SMIM22: variants seen among roughly 807,000 people sequenced by gnomAD.
SMIM22 encodes the protein cancer associated small integral membrane open reading frame 1.
SMIM22 carries 16 observed loss-of-function variants against 8.4 expected under a neutral mutation model. That is an observed-to-expected ratio of 1.90 (90% CI 1.29 to 2.89). The LOEUF (loss-of-function observed/expected upper bound fraction) is 2.89, where lower values mean the gene tolerates loss of function less well. Among genes scored for constraint, SMIM22 ranks in the 30% most tolerant of loss-of-function variants. The probability of loss-of-function intolerance (pLI) is 0.00; values close to 1 mark genes in which losing one functional copy is unlikely to be tolerated. For synonymous variants in SMIM22, 67 were observed against 47.6 expected, an observed-to-expected ratio of 1.41 and a Z score of -1.68; for missense variants, 159 against 107.5, an observed-to-expected ratio of 1.48 and a Z score of -2.12.
upstream of SMIM22, among the ~76,000 whole-genome samples, chr16:4,792,116 G>A (rs1239010111): frequency 1.3e-5 from 2 of 152,222 alleles, no homozygotes; most frequent in Non-Finnish European, 2.9e-5. Flanking sequence ...GGCCAGAGGG[G>A]AGAGGAGGGG....
rs1210522819 is a variant in SMIM22 at position 4,795,756 on chromosome 16, C to A, written c.22C>A (p.Leu8Met). Reference protein sequence around the residue: MAVSTEELEATVQEVLGR... With the variant: MAVSTEEMEATVQEVLGR... ...CAAGATGGCTGTGTCCACAGAGGAG[C>A]TGGAGGCCACGGTTCAGGAAGTCCT... is the stretch of plus-strand genomic sequence containing the variant. The change falls in exon 2 of 4, where the codon CTG becomes ATG. Residue 8 changes from leucine (L) to methionine (M), a missense_variant. By Grantham distance (15) the Leu-to-Met change is conservative (BLOSUM62 2). Transcript: ENST00000586005. The A allele has an allele frequency of 6.5e-7, 1 of 1,535,926 alleles. No homozygotes were observed. Among genetic ancestry groups the A allele is most frequent in the South Asian group, 1.2e-5 (1 of 84,060 alleles).
chr16:4,795,563 G>A, intron 1 of SMIM22, 114 bp downstream of exon 1: 1 of 938,450 alleles, frequency 1.1e-6, no homozygotes, highest in East Asian at 2.7e-5. Flanking sequence ...AGAGAAGCTG[G>A]GCCTGGGGCC....
intron 2 of SMIM22, chr16:4,790,024 C>T (rs2082527473): frequency 6.6e-6 from 1 of 151,924 alleles, no homozygotes; most frequent in Admixed American, 6.6e-5. Flanking sequence ...AAGTGATCCT[C>T]CTGCCCCAGC....
upstream of SMIM22, among the ~76,000 whole-genome samples, chr16:4,793,764 TTAAA>T (rs1373872321): frequency 1.1e-4 from 17 of 151,652 alleles, no homozygotes; most frequent in African/African-American, 3.6e-4. Flanking sequence ...ATACATTATA[TTAAA>T]TAAATATATG....
chr16:4,795,423 GTTGGGGGAA>G lies in SMIM22; in HGVS notation c.-42_-34del. On this transcript the variant is annotated 5_prime_UTR_variant, in exon 1 of 4. Coordinates refer to ENST00000586005, the MANE Select transcript of SMIM22 (RefSeq NM_001253794.2). The stretch of plus-strand genomic sequence containing the variant: ...GCCTGTGCTCCCCAGGACCTGCCTG[GTTGGGGGAA>G]TTGGAGGCTTCTAGGAGGTAGGTGG... 1 of 381,080 alleles carries G rather than the reference GTTGGGGGAA, an allele frequency of 2.6e-6. No individual in the cohort carries two copies. The highest frequency in any genetic ancestry group is 4.8e-6 in the Non-Finnish European group (1 of 206,240). The allele number at this position is 381,080 out of a possible 1,614,324, so 23.6% of individuals were successfully genotyped here. A position where few individuals can be genotyped will look rare whatever the true frequency, so the allele number is the denominator to read the frequency against.
At position 4,795,552 on chromosome 16, in the gene SMIM22, G is replaced by T; in HGVS notation, c.-21+103G>T. The T allele has an allele frequency of 4.8e-6, 4 of 830,206 alleles. No individual in the cohort carries two copies. In the South Asian group the frequency reaches 7.2e-5, roughly 15 times the overall value. The allele number at this position is 830,206 out of a possible 1,614,324, so 51.4% of individuals were successfully genotyped here. On this transcript the variant is annotated intron_variant, in intron 1 of 3. Transcript: ENST00000586005. ...GGTAAGGACCACAGGGCTGGGCAAGGAGAGAAGCTGGGCCTGGGGCCGAGG... is the reference window on the plus strand; with the variant it reads ...GGTAAGGACCACAGGGCTGGGCAAGTAGAGAAGCTGGGCCTGGGGCCGAGG...
At chr16:4,792,940 T>C (rs931712013), upstream of SMIM22, among the ~76,000 whole-genome samples, 8 of 150,580 alleles carry the variant, frequency 5.3e-5, no homozygotes, top group Admixed American at 6.6e-5. Context: ...TGAAACCCAG[T>C]CTCTACTAAA....
At chr16:4,793,826 G>A (rs1232931734), upstream of SMIM22, among the ~76,000 whole-genome samples, 2 of 152,210 alleles carry the variant, frequency 1.3e-5, no homozygotes, top group Non-Finnish European at 2.9e-5. Flanking sequence ...ACCCACGCTA[G>A]AGTGCAGTGG....
At chr16:4,792,833 A>G (rs897332534), upstream of SMIM22, among the ~76,000 whole-genome samples, 8 of 148,558 alleles carry the variant, frequency 5.4e-5, no homozygotes, top group Non-Finnish European at 1.2e-4. Context: ...AAAAAGGCCA[A>G]GCATCGTGGC....
chr16:4,794,202 G>C (rs1392427025), upstream of SMIM22, among the ~76,000 whole-genome samples: 1 of 152,158 alleles, frequency 6.6e-6, no homozygotes, highest in African/African-American at 2.4e-5. Flanking sequence ...CTGCCTCCAG[G>C]GTTCAAGCAA....
At chr16:4,792,401 AGGAT>A (rs1201669243), upstream of SMIM22, among the ~76,000 whole-genome samples, 1 of 149,212 alleles carries the variant, frequency 6.7e-6, no homozygotes, top group African/African-American at 2.5e-5. Flanking sequence ...CGTGTTAGCC[AGGAT>A]GGTCTCGATC....
upstream of SMIM22, among the ~76,000 whole-genome samples, chr16:4,793,035 G>A (rs1398742153): frequency 2.0e-5 from 3 of 150,802 alleles, no homozygotes; most frequent in Non-Finnish European, 4.4e-5. Flanking sequence ...CTCGAACCCG[G>A]GAGGCGGAGA....
At chr16:4,793,871 G>C (rs977584138), upstream of SMIM22, among the ~76,000 whole-genome samples, 1 of 152,082 alleles carries the variant, frequency 6.6e-6, no homozygotes, top group Non-Finnish European at 1.5e-5. Flanking sequence ...CTGCCTCCTG[G>C]GTTCAAGCGA....
chr16:4,792,742 C>T (rs532006263), upstream of SMIM22, among the ~76,000 whole-genome samples: 1 of 146,380 alleles, frequency 6.8e-6, no homozygotes. Flanking sequence ...GCGGAGGTTG[C>T]AGTGAGCCGA....
chr16:4,796,358 T>G lies in SMIM22; in HGVS notation c.*127T>G. On this transcript the variant is annotated 3_prime_UTR_variant, in exon 4 of 4. Transcript: ENST00000586005. ...TCGCCGCCCCACTCAGGTGGCCACC[T>G]GGCCTCTCCAAGCCTTCAGTCAGCA... The G allele has an allele frequency of 7.3e-6, 8 of 1,098,530 alleles. No individual in the cohort carries two copies. Among genetic ancestry groups the G allele is most frequent in the South Asian group, 1.5e-5 (1 of 65,682 alleles). 68.0% of individuals were successfully genotyped at this position (1,098,530 alleles called of 1,614,324 possible).
upstream of SMIM22, among the ~76,000 whole-genome samples, chr16:4,793,809 C>A (rs1023528604): frequency 6.6e-6 from 1 of 152,204 alleles, no homozygotes; most frequent in Non-Finnish European, 1.5e-5. Context: ...TGGAGTCTTG[C>A]TCTGTCACCC....
At chr16:4,792,305 C>T (rs1362498701), upstream of SMIM22, among the ~76,000 whole-genome samples, 1 of 151,762 alleles carries the variant, frequency 6.6e-6, no homozygotes, top group Non-Finnish European at 1.5e-5. Flanking sequence ...ATTCTCCTGC[C>T]TCAGCCTCCC....
At position 4,796,305 on chromosome 16, in the gene SMIM22, G is replaced by A; in HGVS notation, c.*74G>A. 6.6e-7 allele frequency: 1 copy of A among 1,506,288 alleles called. No individual in the cohort carries two copies. The highest frequency in any genetic ancestry group is 8.9e-7 in the Non-Finnish European group (1 of 1,126,494). 93.3% of individuals were successfully genotyped at this position (1,506,288 alleles called of 1,614,324 possible). A position where few individuals can be genotyped will look rare whatever the true frequency, so the allele number is the denominator to read the frequency against. The stretch of plus-strand genomic sequence containing the variant: ...GAGCCTGAGTCTGCAGTGTCTTCCA[G>A]TCCCCGTCTGGGTGGGTGACGCGGG... On this transcript the variant is annotated 3_prime_UTR_variant, in exon 4 of 4. Coordinates refer to ENST00000586005, the MANE Select transcript of SMIM22 (RefSeq NM_001253794.2).
intron 2 of SMIM22, 26 bp from the exon 3 acceptor site, chr16:4,795,922 C>A: frequency 1.3e-6 from 2 of 1,524,216 alleles, no homozygotes; most frequent in Non-Finnish European, 1.8e-6. Context: ...GTTGGGGCCA[C>A]ACCTGGACGC....
Sources: gnomAD v4.1 joint callset for allele counts (sites outside exome capture counted in the v4.1 genomes callset) on GRCh38, gnomAD v4.1.1 for gene constraint, MANE v1.5 for transcripts, NCBI Gene and HGNC (gene_info 2026-07-23, HGNC 2026-07-21) for gene names.